The following PDGFC variants were observed in gnomAD, a reference collection of about 807,000 sequenced individuals.
The protein encoded by PDGFC is platelet derived growth factor C, also known as platelet-derived growth factor C.
In PDGFC, 12 loss-of-function variants were observed where a neutral mutation model predicts 35.5. The observed-to-expected ratio is 0.34, with a 90% CI of 0.22 to 0.55. PDGFC has a LOEUF of 0.55. Ranked by LOEUF, PDGFC falls within the 20% of genes least tolerant of loss-of-function variation. The pLI, the probability that PDGFC is intolerant of heterozygous loss-of-function variation, is 0.91. For missense variants in PDGFC, 322 were observed against 412.4 expected (o/e 0.78, Z 1.90); for synonymous variants, 159 against 148.8 (o/e 1.07, Z -0.50).
At chr4:156,793,900 C>T (rs1254135189) in intron 3 of PDGFC, among the ~76,000 whole-genome samples, 3 of 151,490 alleles carry the variant, frequency 2.0e-5, no homozygotes, top group Non-Finnish European at 2.9e-5. Context: ...ATGTGAAGCA[C>T]TCAAGGTTAT....
intron 3 of PDGFC, among the ~76,000 whole-genome samples, chr4:156,784,701 C>T (rs143974854): frequency 6.6e-6 from 1 of 152,162 alleles, no homozygotes; most frequent in African/African-American, 2.4e-5. Context: ...TAAAAGAAAT[C>T]AGAAGACAGA....
chr4:156,789,714 C>T (rs1231890294), intron 3 of PDGFC, among the ~76,000 whole-genome samples: 2 of 152,190 alleles, frequency 1.3e-5, no homozygotes, highest in Non-Finnish European at 2.9e-5. Flanking sequence ...CAGTGGCTCA[C>T]ACCTGCAATC....
At chr4:156,857,922 C>T (rs958002779) in intron 1 of PDGFC, among the ~76,000 whole-genome samples, 11 of 151,986 alleles carry the variant, frequency 7.2e-5, no homozygotes, top group South Asian at 4.2e-4. Flanking sequence ...CAGCTAGATC[C>T]GATCTCAAAT....
intron 1 of PDGFC, among the ~76,000 whole-genome samples, chr4:156,921,261 G>A (rs1731274538): frequency 6.6e-6 from 1 of 152,074 alleles, no homozygotes; most frequent in Admixed American, 6.5e-5. Context: ...CAAAATTAAG[G>A]GTGGCAGGGA....
chr4:156,879,283 G>A (rs999230563), intron 1 of PDGFC, among the ~76,000 whole-genome samples: 4 of 152,144 alleles, frequency 2.6e-5, no homozygotes, highest in African/African-American at 9.7e-5. Context: ...TTCACAAAGT[G>A]TATTTTGAAA....
At chr4:156,854,566 G>A (rs1004492258) in intron 1 of PDGFC, among the ~76,000 whole-genome samples, 5 of 152,038 alleles carry the variant, frequency 3.3e-5, no homozygotes, top group Admixed American at 2.0e-4. Flanking sequence ...ATGATTTGCA[G>A]ATGACTGTCA....
intron 5 of PDGFC, among the ~76,000 whole-genome samples, chr4:156,764,061 G>A (rs1227756363): frequency 6.6e-6 from 1 of 152,144 alleles, no homozygotes; most frequent in Admixed American, 6.5e-5. Context: ...AAACAATAAA[G>A]TTTAGGAAAT....
intron 1 of PDGFC, among the ~76,000 whole-genome samples, chr4:156,938,510 A>G (rs1310118848): frequency 6.6e-6 from 1 of 152,102 alleles, no homozygotes; most frequent in Non-Finnish European, 1.5e-5. Context: ...TTTCTTTATA[A>G]TATCAAATGA....
In PDGFC at chr4:156,971,157, A is replaced by C; in HGVS notation, c.-254T>G. On this transcript the variant is annotated 5_prime_UTR_variant, in exon 1 of 6. Transcript: ENST00000502773. Reference sequence around the variant, plus strand: ...TGAACCAGTTTCCCAAGGTTTAAACAAATCCTGAGCTGTGGCGAAGTGGTG... The same window carrying C: ...TGAACCAGTTTCCCAAGGTTTAAACCAATCCTGAGCTGTGGCGAAGTGGTG... 2.2e-6 allele frequency: 1 copy of C among 450,912 alleles called. No homozygotes were observed. Among genetic ancestry groups the C allele is most frequent in the South Asian group, 6.2e-5 (1 of 16,038 alleles). The allele number at this position is 450,912 out of a possible 1,614,324, so 27.9% of individuals were successfully genotyped here. A position where few individuals can be genotyped will look rare whatever the true frequency, so the allele number is the denominator to read the frequency against.
chr4:156,847,245 A>T (rs899809538), intron 2 of PDGFC, among the ~76,000 whole-genome samples: 1 of 151,750 alleles, frequency 6.6e-6, no homozygotes, highest in African/African-American at 2.4e-5. Context: ...AGCCCAGCAG[A>T]TACCACCATA....
intron 2 of PDGFC, among the ~76,000 whole-genome samples, chr4:156,816,188 T>C (rs910888777): frequency 1.3e-5 from 2 of 152,196 alleles, no homozygotes; most frequent in African/African-American, 4.8e-5. Context: ...TAAAACCCTG[T>C]CAATTAAATC....
At chr4:156,845,561 G>A (rs534078780) in intron 2 of PDGFC, among the ~76,000 whole-genome samples, 1 of 151,726 alleles carries the variant, frequency 6.6e-6, no homozygotes, top group South Asian at 2.1e-4. Flanking sequence ...AGGTATAAAT[G>A]ATTTATATCA....
chr4:156,805,402 T>C (rs1560819464), intron 3 of PDGFC, among the ~76,000 whole-genome samples: 1 of 152,032 alleles, frequency 6.6e-6, no homozygotes, highest in East Asian at 1.9e-4. Context: ...TAAATACAAA[T>C]CTATTTTTAA....
chr4:156,774,226 T>C (rs940532705), intron 3 of PDGFC: 1 of 152,204 alleles, frequency 6.6e-6, no homozygotes, highest in Non-Finnish European at 1.5e-5. Context: ...ATCAGAGACA[T>C]GCATATTTTG....
At chr4:156,763,977 T>A (rs1393411304) in intron 5 of PDGFC, among the ~76,000 whole-genome samples, 1 of 152,248 alleles carries the variant, frequency 6.6e-6, no homozygotes, top group Non-Finnish European at 1.5e-5. Context: ...CAGTTGTGTA[T>A]TCTATAAAAT....
chr4:156,805,243 T>C (rs954372942), intron 3 of PDGFC, among the ~76,000 whole-genome samples: 5 of 152,014 alleles, frequency 3.3e-5, no homozygotes, highest in Non-Finnish European at 7.4e-5. Flanking sequence ...CTTGCATAAA[T>C]ATACAAGTAT....
intron 2 of PDGFC, among the ~76,000 whole-genome samples, chr4:156,844,122 T>C (rs1315675734): frequency 6.6e-6 from 1 of 152,196 alleles, no homozygotes; most frequent in Non-Finnish European, 1.5e-5. Context: ...ATTAAATCTG[T>C]CAATGTAAAA....
chr4:156,807,870 T>A (rs567094632), intron 3 of PDGFC, among the ~76,000 whole-genome samples: 2 of 152,156 alleles, frequency 1.3e-5, no homozygotes, highest in African/African-American at 2.4e-5. Context: ...AAAATATTCA[T>A]TGGGTTGATT....
intron 1 of PDGFC, among the ~76,000 whole-genome samples, chr4:156,966,194 G>A (rs993739740): frequency 8.5e-5 from 13 of 152,156 alleles, no homozygotes; most frequent in Admixed American, 2.0e-4. Flanking sequence ...CAGTGGTGGT[G>A]AAAAATAATA....
Sources: gnomAD v4.1 joint callset for allele counts (sites outside exome capture counted in the v4.1 genomes callset) on GRCh38, gnomAD v4.1.1 for gene constraint, MANE v1.5 for transcripts, NCBI Gene and HGNC (gene_info 2026-07-23, HGNC 2026-07-21) for gene names.